Variants in LEKR1 observed in about 807,000 individuals in gnomAD.
LEKR1 encodes the protein protein LEKR1.
In LEKR1, 59 loss-of-function variants were observed where a neutral mutation model predicts 72.4. The observed-to-expected ratio is 0.82, with a 90% CI of 0.66 to 1.01. The LOEUF (loss-of-function observed/expected upper bound fraction) is 1.01. LEKR1 is among the 50% of genes least tolerant of loss of function. The pLI is 0.00. For synonymous variants in LEKR1, 257 were observed against 263.2 expected (o/e 0.98, Z 0.23); for missense variants, 728 against 759.2 (o/e 0.96, Z 0.48).
chr3:156,892,044 CA>C (rs930919342), intron 3 of LEKR1, among the ~76,000 whole-genome samples: 135 of 143,270 alleles, frequency 9.4e-4, no homozygotes, highest in African/African-American at 1.3e-3. Flanking sequence ...GCCCCGCTAC[CA>C]AAAAAAAAAA....
chr3:156,976,948 T>C (rs1346415657), intron 6 of LEKR1, among the ~76,000 whole-genome samples: 1 of 152,214 alleles, frequency 6.6e-6, no homozygotes, highest in East Asian at 1.9e-4. Context: ...ATAAGTTTTT[T>C]CAGACCCGGG....
intron 3 of LEKR1, among the ~76,000 whole-genome samples, chr3:156,903,052 T>A (rs1722190926): frequency 6.6e-6 from 1 of 152,104 alleles, no homozygotes; most frequent in Non-Finnish European, 1.5e-5. Flanking sequence ...AGTGATTAGC[T>A]TTCTTCAAAA....
At chr3:157,043,470 T>C (rs1735518738) in intron 12 of LEKR1, among the ~76,000 whole-genome samples, 1 of 151,112 alleles carries the variant, frequency 6.6e-6, no homozygotes, top group Admixed American at 6.6e-5. Context: ...TTTTTTTCAG[T>C]GTCCTGGGAA....
At chr3:156,848,520 A>G (rs1446342922) in intron 2 of LEKR1, among the ~76,000 whole-genome samples, 1 of 152,202 alleles carries the variant, frequency 6.6e-6, no homozygotes, top group African/African-American at 2.4e-5. Flanking sequence ...GAACCATATT[A>G]GGCATAGAAT....
chr3:157,025,487 A>G (rs1469217734), intron 11 of LEKR1, among the ~76,000 whole-genome samples: 1 of 152,058 alleles, frequency 6.6e-6, no homozygotes, highest in Non-Finnish European at 1.5e-5. Context: ...TGTATTAATC[A>G]AGACCTAGTG....
rs1727437605 is a variant in LEKR1 at position 156,954,429 on chromosome 3, G to C, written c.745+11715G>C. ...TTAACATTTTCATCATGAAATCTCT[G>C]CCTGTACCTACGTCCTGAATGATAT... On this transcript the variant is annotated intron_variant, in intron 6 of 12. Coordinates refer to ENST00000356539, the MANE Select transcript of LEKR1 (RefSeq NM_001004316.3). Among the ~76,000 whole-genome samples the C allele has an allele frequency of 2.0e-5, 3 of 151,932 alleles. No individual in the cohort carries two copies. The South Asian group carries it at 6.2e-4, about 32-fold the overall frequency.
chr3:157,021,125 T>C (rs1198082348), intron 10 of LEKR1, among the ~76,000 whole-genome samples: 2 of 152,062 alleles, frequency 1.3e-5, no homozygotes, highest in Non-Finnish European at 2.9e-5. Context: ...TTGATGGGGT[T>C]GTTTGTTTTT....
intron 9 of LEKR1, among the ~76,000 whole-genome samples, chr3:157,009,131 A>G (rs2108021278): frequency 6.6e-6 from 1 of 152,264 alleles, no homozygotes; most frequent in South Asian, 2.1e-4. Flanking sequence ...GTGCTATTCT[A>G]TAGAAGTATT....
At chr3:156,909,358 G>A (rs1722876142) in intron 3 of LEKR1, among the ~76,000 whole-genome samples, 1 of 152,052 alleles carries the variant, frequency 6.6e-6, no homozygotes, top group South Asian at 2.1e-4. Context: ...ATTATTAGAT[G>A]TATGTTTAAA....
intron 3 of LEKR1, among the ~76,000 whole-genome samples, chr3:156,868,237 T>G (rs1367542032): frequency 3.9e-5 from 6 of 152,128 alleles, no homozygotes; most frequent in Non-Finnish European, 1.5e-5. Flanking sequence ...ATTTCTTCCT[T>G]TGCATCTATG....
At chr3:156,943,956 A>G (rs551572824) in intron 6 of LEKR1, among the ~76,000 whole-genome samples, 1 of 151,878 alleles carries the variant, frequency 6.6e-6, no homozygotes, top group East Asian at 1.9e-4. Context: ...CTATTGCATT[A>G]TTGGAATTTT....
At chr3:156,892,792 C>A (rs1020357000) in intron 3 of LEKR1, among the ~76,000 whole-genome samples, 7 of 152,214 alleles carry the variant, frequency 4.6e-5, no homozygotes, top group African/African-American at 1.4e-4. Context: ...TTCTTATTAA[C>A]TGGAGTTCTT....
chr3:156,955,555 G>A lies in LEKR1; in HGVS notation c.745+12841G>A, dbSNP rs375955570. ...GTTTATTGAGAGGTTTTAACATAAA[G>A]GGATGTTGAATTTTATCAAAGGCCT... On this transcript the variant is annotated intron_variant, in intron 6 of 12. Transcript: ENST00000356539. Among the ~76,000 whole-genome samples, 30 of 151,958 alleles carry A rather than the reference G, an allele frequency of 2.0e-4. 3 individuals carry two copies. Among genetic ancestry groups the A allele is most frequent in the Admixed American group, 1.8e-3 (28 of 15,214 alleles).
intron 3 of LEKR1, among the ~76,000 whole-genome samples, chr3:156,881,718 G>A (rs1466855969): frequency 7.2e-6 from 1 of 137,940 alleles, no homozygotes; most frequent in Non-Finnish European, 1.6e-5. Context: ...AAAGAACAAA[G>A]CTGGAGGCAT....
At chr3:156,927,686 T>A in intron 5 of LEKR1, 82 bp downstream of exon 5, 1 of 517,314 alleles carries the variant, frequency 1.9e-6, no homozygotes, top group Non-Finnish European at 2.9e-6. Context: ...ATATTTCATT[T>A]TATTTGATGG....
chr3:156,970,414 T>G (rs993079100), intron 6 of LEKR1, among the ~76,000 whole-genome samples: 14 of 152,242 alleles, frequency 9.2e-5, no homozygotes, highest in African/African-American at 3.4e-4. Context: ...CATGCCTATG[T>G]CCTGAATGGT....
At chr3:156,927,780 T>C (rs539263902) in intron 5 of LEKR1, among the ~76,000 whole-genome samples, 176 bp downstream of exon 5, 4 of 151,918 alleles carry the variant, frequency 2.6e-5, no homozygotes, top group Non-Finnish European at 5.9e-5. Context: ...TTATTATAGG[T>C]TTATCTAAGA....
At chr3:156,858,043 A>G (rs1172428348) in intron 3 of LEKR1, among the ~76,000 whole-genome samples, 1 of 152,136 alleles carries the variant, frequency 6.6e-6, no homozygotes, top group Non-Finnish European at 1.5e-5. Context: ...CTCTGTAATT[A>G]TTGGTTTACT....
intron 9 of LEKR1, among the ~76,000 whole-genome samples, chr3:156,996,871 C>A (rs1731616754): frequency 6.6e-6 from 1 of 152,066 alleles, no homozygotes; most frequent in Non-Finnish European, 1.5e-5. Context: ...TCGCGAACAG[C>A]CTGGCCAACA....
Sources: allele counts gnomAD v4.1 joint callset (sites outside exome capture counted in the v4.1 genomes callset), GRCh38; gene constraint gnomAD v4.1.1; transcripts MANE v1.5; gene names NCBI Gene and HGNC (gene_info 2026-07-23, HGNC 2026-07-21).